The following CDKAL1 variants were observed in gnomAD, a reference collection of about 807,000 sequenced individuals.
The protein encoded by CDKAL1 is CDKAL1 threonylcarbamoyladenosine tRNA methylthiotransferase, also known as threonylcarbamoyladenosine tRNA methylthiotransferase.
Under a neutral mutation model 68.2 loss-of-function variants are expected in CDKAL1, and 32 were observed. The observed-to-expected ratio is 0.47, with a 90% confidence interval of 0.35 to 0.63. CDKAL1 has a LOEUF of 0.63. CDKAL1 is among the 30% of genes least tolerant of loss of function. The probability of loss-of-function intolerance (pLI) is 0.00; values close to 1 mark genes in which losing one functional copy is unlikely to be tolerated. For synonymous variants in CDKAL1, 234 were observed against 244.3 expected, an observed-to-expected ratio of 0.96 and a Z score of 0.39; for missense variants, 606 against 696.7, an observed-to-expected ratio of 0.87 and a Z score of 1.47.
intron 13 of CDKAL1, 83 bp downstream of exon 13, chr6:21,108,546 C>T (rs964551926): frequency 1.3e-6 from 1 of 787,102 alleles, no homozygotes; most frequent in East Asian, 2.7e-5. Context: ...TATGGTGATT[C>T]TGAAATACAC....
chr6:20,676,703 A>AAATAAATAAATAAAT (rs574363733), intron 5 of CDKAL1, among the ~76,000 whole-genome samples: 1 of 137,338 alleles, frequency 7.3e-6, no homozygotes, highest in Non-Finnish European at 1.5e-5. Flanking sequence ...ATAAATAAAT[A>AAATAAATAAATAAAT]AAATAAAATA....
chr6:20,634,977 C>CAA (rs142659533), intron 4 of CDKAL1, among the ~76,000 whole-genome samples: 42 of 99,736 alleles, frequency 4.2e-4, no homozygotes, highest in African/African-American at 8.6e-4. Context: ...AACCCCGTCT[C>CAA]AAAAAAAAAA....
intron 5 of CDKAL1, among the ~76,000 whole-genome samples, chr6:20,684,541 T>C (rs1770531104): frequency 1.3e-5 from 2 of 152,222 alleles, no homozygotes. Context: ...GGAAGGTAAT[T>C]GCTAGATCTT....
intron 4 of CDKAL1, among the ~76,000 whole-genome samples, chr6:20,613,652 A>G (rs1561967242): frequency 6.7e-6 from 1 of 148,710 alleles, no homozygotes; most frequent in Non-Finnish European, 1.5e-5. Flanking sequence ...ATATACAGTA[A>G]ATATTTATAT....
intron 4 of CDKAL1, among the ~76,000 whole-genome samples, chr6:20,550,263 C>CCA (rs1431629159): frequency 2.0e-5 from 3 of 152,156 alleles, no homozygotes; most frequent in Non-Finnish European, 4.4e-5. Context: ...CAGGCATGAG[C>CCA]CACTGCACCT....
intron 9 of CDKAL1, among the ~76,000 whole-genome samples, chr6:20,856,912 C>T (rs1759364762): frequency 6.6e-6 from 1 of 152,184 alleles, no homozygotes; most frequent in South Asian, 2.1e-4. Context: ...ATTGATTCCG[C>T]AGAGTCTGCA....
intron 8 of CDKAL1, among the ~76,000 whole-genome samples, chr6:20,831,900 T>C (rs1296055865): frequency 1.3e-5 from 2 of 152,148 alleles, no homozygotes; most frequent in African/African-American, 2.4e-5. Flanking sequence ...CTCATGTAGT[T>C]GTAAAAGGAT....
At chr6:20,948,125 T>C (rs1236116707) in intron 9 of CDKAL1, among the ~76,000 whole-genome samples, 1 of 150,828 alleles carries the variant, frequency 6.6e-6, no homozygotes, top group Non-Finnish European at 1.5e-5. Flanking sequence ...CTAGTGATCC[T>C]CCTGCCTGAG....
At chr6:20,831,704 A>G (rs778891175) in intron 8 of CDKAL1, among the ~76,000 whole-genome samples, 1 of 152,188 alleles carries the variant, frequency 6.6e-6, no homozygotes, top group Non-Finnish European at 1.5e-5. Context: ...TTTATCGCAC[A>G]TCACAATCTG....
At chr6:20,961,261 A>G (rs1251615336) in intron 10 of CDKAL1, among the ~76,000 whole-genome samples, 4 of 152,224 alleles carry the variant, frequency 2.6e-5, no homozygotes, top group Non-Finnish European at 5.9e-5. Context: ...GTGCAGCCAT[A>G]AAAAAGAACA....
intron 11 of CDKAL1, among the ~76,000 whole-genome samples, chr6:21,035,087 A>G (rs1284110684): frequency 6.6e-6 from 1 of 152,140 alleles, no homozygotes; most frequent in African/African-American, 2.4e-5. Context: ...TGCTATGGAA[A>G]TATTTATTAA....
intron 13 of CDKAL1, among the ~76,000 whole-genome samples, chr6:21,188,166 C>G (rs1023595381): frequency 6.6e-6 from 1 of 152,030 alleles, no homozygotes; most frequent in Non-Finnish European, 1.5e-5. Context: ...GTCATACTTG[C>G]AATTTTTTTC....
chr6:20,787,098 A>G (rs1775708557), intron 8 of CDKAL1, among the ~76,000 whole-genome samples: 1 of 152,128 alleles, frequency 6.6e-6, no homozygotes, highest in South Asian at 2.1e-4. Context: ...CACATCTTAG[A>G]AATTACTGTC....
chr6:21,045,309 T>TA (rs1279998106), intron 11 of CDKAL1, among the ~76,000 whole-genome samples: 3 of 152,194 alleles, frequency 2.0e-5, no homozygotes, highest in African/African-American at 7.2e-5. Context: ...CCGCTATAGT[T>TA]ATCTAAATAA....
chr6:21,046,194 A>G (rs937113236), intron 11 of CDKAL1, among the ~76,000 whole-genome samples: 4 of 152,256 alleles, frequency 2.6e-5, no homozygotes. Context: ...AGAAGATGCC[A>G]CACTATTAAC....
intron 13 of CDKAL1, among the ~76,000 whole-genome samples, chr6:21,131,477 A>G (rs1775316290): frequency 6.6e-6 from 1 of 152,226 alleles, no homozygotes; most frequent in African/African-American, 2.4e-5. Context: ...TGTGATGACA[A>G]CTACTTTTAT....
chr6:20,710,922 A>G (rs1209446713), intron 5 of CDKAL1, among the ~76,000 whole-genome samples: 1 of 152,168 alleles, frequency 6.6e-6, no homozygotes, highest in African/African-American at 2.4e-5. Flanking sequence ...TATTGACATG[A>G]TTTCTAGTAA....
rs113456467 is a variant in CDKAL1 at position 20,657,605 on chromosome 6, C to T, written c.371+8228C>T. Among the ~76,000 whole-genome samples, 400 of 152,280 alleles carry T rather than the reference C, an allele frequency of 2.6e-3. 1 individual carries two copies. The highest frequency in any genetic ancestry group is 9.0e-3 in the African/African-American group (372 of 41,542). On this transcript the variant is annotated intron_variant, in intron 5 of 15. Coordinates refer to ENST00000274695, the MANE Select transcript of CDKAL1 (RefSeq NM_017774.3). ...AAGAAAGATGACTCTAAGGGATTTA[C>T]TGTCTTTCATGTGATTAATACAGTC...
intron 13 of CDKAL1, among the ~76,000 whole-genome samples, chr6:21,166,221 A>C (rs1777145697): frequency 6.6e-6 from 1 of 152,204 alleles, no homozygotes; most frequent in Non-Finnish European, 1.5e-5. Flanking sequence ...TGCCATGTTC[A>C]GATAACTTCA....
Sources: allele counts gnomAD v4.1 joint callset (sites outside exome capture counted in the v4.1 genomes callset), GRCh38; gene constraint gnomAD v4.1.1; transcripts MANE v1.5; gene names NCBI Gene and HGNC (gene_info 2026-07-23, HGNC 2026-07-21).